Variants in WDR35 observed in about 807,000 individuals in gnomAD.
The protein encoded by WDR35 is WD repeat-containing protein 35.
WDR35 carries 118 observed loss-of-function variants against 158.3 expected under a neutral mutation model. The ratio of observed to expected loss-of-function variants is 0.75; its 90% CI spans 0.64 to 0.87. The LOEUF (loss-of-function observed/expected upper bound fraction) is 0.87. Ranked by LOEUF, WDR35 falls within the 40% of genes least tolerant of loss-of-function variation. WDR35 has a pLI of 0.00. For synonymous variants in WDR35, 448 were observed against 476.1 expected, an observed-to-expected ratio of 0.94 and a Z score of 0.77; for missense variants, 1,263 against 1,405.8, an observed-to-expected ratio of 0.90 and a Z score of 1.62.
At position 19,911,664 on chromosome 2, in the gene WDR35, AAT is replaced by A. The variant is rs1183579235; in HGVS notation, c.*1892_*1893del. ...CCTAGGAGACTTATTAGGCAAAGTT[AAT>A]AGAGCGTGTATGTGTGACCACAGAT... On this transcript the variant is annotated 3_prime_UTR_variant, in exon 27 of 27. Transcript: ENST00000281405. 6.6e-6 allele frequency: 1 copy of A among 152,232 alleles called. No homozygotes were observed. Among genetic ancestry groups the A allele is most frequent in the Non-Finnish European group, 1.5e-5 (1 of 68,040 alleles). The allele number at this position is 152,232 out of a possible 1,614,324, so 9.4% of individuals were successfully genotyped here.
chr2:19,969,664 C>T, intron 8 of WDR35, 59 bp from the exon 9 acceptor site: 2 of 1,556,268 alleles, frequency 1.3e-6, no homozygotes, highest in East Asian at 2.3e-5. Flanking sequence ...TACAAATTAC[C>T]ACCAATCACT....
intron 25 of WDR35, among the ~76,000 whole-genome samples, chr2:19,928,000 T>C (rs1244245369): frequency 1.3e-5 from 2 of 152,174 alleles, no homozygotes; most frequent in Non-Finnish European, 2.9e-5. Context: ...GGGGGACATG[T>C]TGGGAACAGG....
chr2:19,983,242 G>A (rs1409759036), intron 2 of WDR35, among the ~76,000 whole-genome samples: 2 of 152,174 alleles, frequency 1.3e-5, no homozygotes, highest in East Asian at 3.8e-4. Flanking sequence ...GAAAGGTAGA[G>A]AAAGAAGGGG....
At chr2:19,931,583 G>A (rs1308651201) in intron 23 of WDR35, among the ~76,000 whole-genome samples, 174 bp from the exon 24 acceptor site, 2 of 152,164 alleles carry the variant, frequency 1.3e-5, no homozygotes, top group East Asian at 3.9e-4. Context: ...CTTTTCATTA[G>A]TACCTATTCG....
rs200059077 is a variant in WDR35, at chr2:19,973,592, T to A, written c.853A>T (p.Ile285Phe). Residue 285 changes from isoleucine (I) to phenylalanine (F), a missense_variant, in exon 8 of 27, where the codon ATT becomes TTT. Ile to Phe is a conservative substitution (Grantham distance 21). Transcript: ENST00000281405. ...KAAMQDKDVNIVQFYTPFGEH... is the reference protein window; with the variant it reads ...KAAMQDKDVNFVQFYTPFGEH... The stretch of plus-strand genomic sequence containing the variant: ...CCAAACGGAGTGTAAAACTGCACAA[T>A]GTTCACATCTTTGTCCTGCATGGCT... The A allele has an allele frequency of 7.8e-4, 1,261 of 1,614,170 alleles. No homozygotes were observed. Among genetic ancestry groups the A allele is most frequent in the Non-Finnish European group, 9.5e-4 (1,119 of 1,180,028 alleles).
intron 25 of WDR35, among the ~76,000 whole-genome samples, chr2:19,919,777 A>G (rs951211115): frequency 2.0e-5 from 3 of 152,228 alleles, no homozygotes. Flanking sequence ...AACCCTCCAA[A>G]AAATCAATGA....
intron 15 of WDR35, 48 bp from the exon 16 acceptor site, chr2:19,946,044 T>C: frequency 6.4e-7 from 1 of 1,565,114 alleles, no homozygotes; most frequent in Non-Finnish European, 8.8e-7. Flanking sequence ...AAAATTACTA[T>C]CAGCAATCAT....
Position 19,945,811 on chromosome 2 carries a change from T to C in WDR35, c.1820A>G (p.Tyr607Cys). The C allele has an allele frequency of 6.2e-7, 1 of 1,613,866 alleles. No homozygotes were observed. The highest frequency in any genetic ancestry group is 8.5e-7 in the Non-Finnish European group (1 of 1,179,782). ...CTCAGGATCCAAGTTTCTGAAAACATACATTCTTGTCTTCTCCATCATTGC... is the reference window on the plus strand; with the variant it reads ...CTCAGGATCCAAGTTTCTGAAAACACACATTCTTGTCTTCTCCATCATTGC... ...LFAMMEKTRM[Y>C]VFRNLDPEEP... is the part of the protein sequence containing the mutation. Residue 607 changes from tyrosine to cysteine, a missense_variant, in exon 16 of 27, where the codon TAT (tyrosine) becomes TGT (cysteine). By Grantham distance (194) the Tyr-to-Cys change is radical (BLOSUM62 -2). Coordinates refer to ENST00000281405, the MANE Select transcript of WDR35 (RefSeq NM_020779.4).
intron 21 of WDR35, among the ~76,000 whole-genome samples, 194 bp from the exon 22 acceptor site, chr2:19,933,705 T>G (rs1049267834): frequency 6.6e-6 from 1 of 152,174 alleles, no homozygotes; most frequent in African/African-American, 2.4e-5. Context: ...AATCCAGAGC[T>G]TCACTGGCTC....
intron 25 of WDR35, among the ~76,000 whole-genome samples, chr2:19,925,688 T>A (rs1670335308): frequency 6.6e-6 from 1 of 152,198 alleles, no homozygotes; most frequent in South Asian, 2.1e-4. Context: ...CTTCTGTACC[T>A]ATAAATTTAT....
chr2:19,969,137 A>T (rs1315499050), intron 9 of WDR35, among the ~76,000 whole-genome samples: 1 of 152,198 alleles, frequency 6.6e-6, no homozygotes, highest in East Asian at 1.9e-4. Context: ...CTTCAGGCCC[A>T]GGGCTGGTGA....
chr2:19,940,996 T>C (rs1670854494), intron 17 of WDR35, among the ~76,000 whole-genome samples: 2 of 152,146 alleles, frequency 1.3e-5, no homozygotes, highest in African/African-American at 4.8e-5. Flanking sequence ...TGAAACTGGC[T>C]CACAATAAAA....
chr2:19,966,599 C>T (rs776832399), intron 10 of WDR35, 125 bp downstream of exon 10: 13 of 1,129,698 alleles, frequency 1.2e-5, no homozygotes, highest in Non-Finnish European at 1.5e-5. Context: ...TGGTCTAGAC[C>T]AATAGTGCCA....
chr2:19,982,072 T>C (rs986425916), intron 3 of WDR35, among the ~76,000 whole-genome samples: 1 of 152,226 alleles, frequency 6.6e-6, no homozygotes, highest in African/African-American at 2.4e-5. Flanking sequence ...GGGAATGCAA[T>C]GCACATTCAG....
Position 19,960,567 on chromosome 2 carries a change from T to C in WDR35, c.1242A>G (p.Lys414=). 1.2e-6 allele frequency: 2 copies of C among 1,608,642 alleles called. No individual in the cohort carries two copies. Among genetic ancestry groups the C allele is most frequent in the Non-Finnish European group, 1.7e-6 (2 of 1,176,088 alleles). The change falls in exon 11 of 27, where the codon AAA becomes AAG. Residue 414 remains lysine, a synonymous_variant. Transcript: ENST00000281405. The part of the protein sequence containing the change: ...CNSIGTPLDP[K]YIDIVPLFVA... ...ACATTTCCTTACCAATATCAATGTA[T>C]TTGGGATCCAAGGGTGTACCAATAG...
intron 25 of WDR35, among the ~76,000 whole-genome samples, chr2:19,925,066 T>G (rs1023593439): frequency 6.6e-6 from 1 of 152,214 alleles, no homozygotes; most frequent in Non-Finnish European, 1.5e-5. Flanking sequence ...CCCTGTACAA[T>G]GTCTGTTCCC....
intron 12 of WDR35, 73 bp downstream of exon 12, chr2:19,953,761 A>AAT: frequency 6.3e-7 from 1 of 1,596,750 alleles, no homozygotes; most frequent in East Asian, 2.2e-5. Context: ...CAAGCATGAC[A>AAT]ATTTACAATT....
rs754965182 is a variant in WDR35 at position 19,966,906 on chromosome 2, C to A, written c.1012G>T (p.Gly338Cys). The change falls in exon 10 of 27, where the codon GGT becomes TGT. Residue 338 changes from glycine to cysteine, a missense_variant. Transcript: ENST00000281405. ...FANIRPNYKW[G>C]YCSNTVVYAY... ...TAAACTACAGTGTTTGAGCAATAACCCCACTAGGAAGAAAGGAAGGAGGAA... is the reference window on the plus strand; with the variant it reads ...TAAACTACAGTGTTTGAGCAATAACACCACTAGGAAGAAAGGAAGGAGGAA... 2.5e-6 allele frequency: 4 copies of A among 1,613,384 alleles called. No individual in the cohort carries two copies. In the South Asian group the frequency reaches 4.4e-5, roughly 18 times the overall value.
At chr2:19,920,122 C>A (rs562511150) in intron 25 of WDR35, among the ~76,000 whole-genome samples, 1 of 152,144 alleles carries the variant, frequency 6.6e-6, no homozygotes. Context: ...CAGGACCAGA[C>A]GGATTCACAG....
Sources: allele counts gnomAD v4.1 joint callset (sites outside exome capture counted in the v4.1 genomes callset), GRCh38; gene constraint gnomAD v4.1.1; transcripts MANE v1.5; gene names NCBI Gene and HGNC (gene_info 2026-07-23, HGNC 2026-07-21).